The following PCDHGA6 variants were observed in gnomAD, a reference collection of about 807,000 sequenced individuals.
PCDHGA6 encodes the protein protocadherin gamma subfamily A, 6, also known as protocadherin gamma-A6.
In PCDHGA6, 41 loss-of-function variants were observed where a neutral mutation model predicts 60.6. The observed-to-expected ratio is 0.68, with a 90% CI of 0.53 to 0.88. PCDHGA6 has a LOEUF of 0.88. PCDHGA6 is among the 40% of genes least tolerant of loss of function. PCDHGA6 has a pLI of 0.00. For missense variants in PCDHGA6, 1,312 were observed against 1,203.0 expected, an observed-to-expected ratio of 1.09 and a Z score of -1.34; for synonymous variants, 594 against 524.4, an observed-to-expected ratio of 1.13 and a Z score of -1.81.
At chr5:141,388,597 A>G (rs1277451358) in intron 1 of PCDHGA6, 1 of 1,613,752 alleles carries the variant, frequency 6.2e-7, no homozygotes, top group Non-Finnish European at 8.5e-7. Context: ...GCCAATGATA[A>G]TGCTCCAGTG....
rs758463890 is a variant in PCDHGA6 at position 141,394,966 on chromosome 5, G to A, written c.2424+18459G>A. On this transcript the variant is annotated intron_variant, in intron 1 of 3. Coordinates refer to ENST00000517434, the MANE Select transcript of PCDHGA6 (RefSeq NM_018919.3). ...GTGCTTCTGGGGCTCAGGCTGAGGCGCTGGCACAAGTCACGCCTGCTCCAG... is the reference window on the plus strand; with the variant it reads ...GTGCTTCTGGGGCTCAGGCTGAGGCACTGGCACAAGTCACGCCTGCTCCAG... 11 of 1,613,768 alleles carry A rather than the reference G, an allele frequency of 6.8e-6. No homozygotes were observed. In the African/African-American group the frequency reaches 9.3e-5, roughly 14 times the overall value.
chr5:141,421,505 G>A (rs745883683), intron 1 of PCDHGA6: 3 of 1,614,058 alleles, frequency 1.9e-6, no homozygotes, highest in South Asian at 1.1e-5. Context: ...AGGATAGACC[G>A]GGAGGAGCTC....
chr5:141,465,968 A>G (rs2099113507), intron 1 of PCDHGA6, among the ~76,000 whole-genome samples: 3 of 151,940 alleles, frequency 2.0e-5, no homozygotes, highest in Admixed American at 6.6e-5. Flanking sequence ...TAAAAATACA[A>G]AAAATTAGCC....
chr5:141,392,779 T>C (rs757880986), intron 1 of PCDHGA6: 1 of 1,534,720 alleles, frequency 6.5e-7, no homozygotes, highest in African/African-American at 1.4e-5. Context: ...TTATGCACAG[T>C]GAAGATTCTG....
At chr5:141,458,645 C>T (rs1162232847) in intron 1 of PCDHGA6, among the ~76,000 whole-genome samples, 2 of 152,170 alleles carry the variant, frequency 1.3e-5, no homozygotes, top group Non-Finnish European at 2.9e-5. Flanking sequence ...TCCCAGCTCA[C>T]TGCAACCTCC....
At chr5:141,399,511 C>T in intron 1 of PCDHGA6, 1 of 1,614,042 alleles carries the variant, frequency 6.2e-7, no homozygotes, top group Non-Finnish European at 8.5e-7. Context: ...CGAAAACAAC[C>T]CTCCTGGGGC....
rs1356654620 is a variant in PCDHGA6 at position 141,490,430 on chromosome 5, TTAA to T, written c.2425-4376_2425-4374del. On this transcript the variant is annotated intron_variant, in intron 1 of 3. Coordinates refer to ENST00000517434, the MANE Select transcript of PCDHGA6 (RefSeq NM_018919.3). The surrounding 1 kb of genome is among the most constrained non-coding windows in gnomAD (Gnocchi z 5.4). ...ATCTCTCCGGACCTGCCATTTCAGA[TTAA>T]GCCTTCTGAGAACCACTACTCGCTG... 1 of 1,614,162 alleles carries T rather than the reference TTAA, an allele frequency of 6.2e-7. No individual in the cohort carries two copies.
intron 1 of PCDHGA6, among the ~76,000 whole-genome samples, chr5:141,426,098 A>T (rs144349682): frequency 6.6e-6 from 1 of 152,356 alleles, no homozygotes; most frequent in Non-Finnish European, 1.5e-5. Flanking sequence ...TATTCTGTTC[A>T]GTCACAGAAG....
intron 1 of PCDHGA6, chr5:141,404,993 C>G (rs1159647700): frequency 6.2e-7 from 1 of 1,613,850 alleles, no homozygotes; most frequent in Non-Finnish European, 8.5e-7. Flanking sequence ...TCTTCAGATC[C>G]CTGCAGACCT....
At chr5:141,500,293 C>T (rs1380080572) in intron 2 of PCDHGA6, among the ~76,000 whole-genome samples, 3 of 151,870 alleles carry the variant, frequency 2.0e-5, no homozygotes, top group Non-Finnish European at 4.4e-5. Flanking sequence ...ACTGCAAGCT[C>T]CGCCTCCCAG....
At chr5:141,449,280 C>G (rs934214922) in intron 1 of PCDHGA6, among the ~76,000 whole-genome samples, 1 of 151,944 alleles carries the variant, frequency 6.6e-6, no homozygotes, top group East Asian at 1.9e-4. Context: ...CTCCTTCACC[C>G]GGATGCACCG....
At chr5:141,428,188 G>C (rs1023078587) in intron 1 of PCDHGA6, 1 of 1,433,232 alleles carries the variant, frequency 7.0e-7, no homozygotes, top group African/African-American at 1.4e-5. Flanking sequence ...GACAGCCGCC[G>C]CTCTCTGCGC....
At chr5:141,413,445 C>G (rs764464917) in intron 1 of PCDHGA6, 105 of 1,613,986 alleles carry the variant, frequency 6.5e-5, no homozygotes, top group Non-Finnish European at 8.5e-5. Context: ...GCTTGATCAC[C>G]GCGGGCAGGA....
chr5:141,384,294 C>A, intron 1 of PCDHGA6: 1 of 1,613,864 alleles, frequency 6.2e-7, no homozygotes. Context: ...CTGAGAACAA[C>A]CCCAGAGGGG....
intron 1 of PCDHGA6, among the ~76,000 whole-genome samples, chr5:141,387,427 GT>G (rs1416187411): frequency 6.6e-6 from 1 of 152,220 alleles, no homozygotes; most frequent in Non-Finnish European, 1.5e-5. Context: ...GTCAATAAAT[GT>G]TTATGTACTT....
chr5:141,424,799 A>G (rs552155487), intron 1 of PCDHGA6: 90 of 152,274 alleles, frequency 5.9e-4, no homozygotes, highest in African/African-American at 2.1e-3. Context: ...ATTCAGACCA[A>G]CTTGTTATTG....
In PCDHGA6 at chr5:141,491,409, G is replaced by T; in HGVS notation, c.2425-3398G>T. The T allele has an allele frequency of 6.8e-6, 11 of 1,614,118 alleles. No individual in the cohort carries two copies. Among genetic ancestry groups the T allele is most frequent in the Non-Finnish European group, 9.3e-6 (11 of 1,180,014 alleles). On this transcript the variant is annotated intron_variant, in intron 1 of 3. Coordinates refer to ENST00000517434, the MANE Select transcript of PCDHGA6 (RefSeq NM_018919.3). The surrounding 1 kb of genome is among the most constrained non-coding windows in gnomAD (Gnocchi z 6.9). ...AGTGCCTTCAGGGAAACGCAGACGG[G>T]GACGGGGGTGGAGGGCAGTGCTGCA...
intron 1 of PCDHGA6, chr5:141,422,879 T>A: frequency 6.2e-7 from 1 of 1,614,240 alleles, no homozygotes; most frequent in Non-Finnish European, 8.5e-7. Context: ...TCGCTGAGCC[T>A]GTTCGTGCTG....
intron 1 of PCDHGA6, chr5:141,395,804 A>C (rs150880061): frequency 6.6e-6 from 1 of 152,224 alleles, no homozygotes; most frequent in Non-Finnish European, 1.5e-5. Context: ...ACCATCCTTC[A>C]AAACATGAAC....
Sources: gnomAD v4.1 joint callset for allele counts (sites outside exome capture counted in the v4.1 genomes callset) on GRCh38, gnomAD v4.1.1 for gene constraint, Gnocchi (gnomAD v3.1) non-coding constraint, MANE v1.5 for transcripts, NCBI Gene and HGNC (gene_info 2026-07-23, HGNC 2026-07-21) for gene names.